CD70: variants seen among roughly 807,000 people sequenced by gnomAD.
The protein encoded by CD70 is CD70 molecule, also known as CD70 antigen.
In CD70, 6 loss-of-function variants were observed where a neutral mutation model predicts 9.0. The observed-to-expected ratio is 0.67, with a 90% confidence interval of 0.37 to 1.32. The LOEUF is 1.32. CD70 is among the 40% of genes most tolerant of loss of function. The pLI is 0.02. For missense variants in CD70, 235 were observed against 258.7 expected (o/e 0.91, Z 0.63); for synonymous variants, 108 against 112.3 (o/e 0.96, Z 0.24).
chr19:6,584,418 T>C (rs1026702429), downstream of CD70, among the ~76,000 whole-genome samples: 3 of 151,734 alleles, frequency 2.0e-5, no homozygotes, highest in South Asian at 2.1e-4. Context: ...GGCAGAAGAA[T>C]TGCTTGAACC....
rs574032127 is a variant in CD70, at chr19:6,590,407, G to A, written c.163-271C>T. On this transcript the variant is annotated intron_variant, in intron 1 of 2. Transcript: ENST00000245903. This position sits in a 1 kb window ranked among gnomAD's most constrained non-coding sequence, Gnocchi z 5.3. ...TTTTCCTGGATGTCACTGGGCGCGA[G>A]AGCACCGCGCGCAGCGGACTCTCTA... is the stretch of plus-strand genomic sequence containing the variant. Among the ~76,000 whole-genome samples, 5 of 152,252 alleles carry A rather than the reference G, an allele frequency of 3.3e-5. No homozygotes were observed. In the South Asian group the frequency reaches 1.0e-3, roughly 32 times the overall value.
Position 6,590,770 on chromosome 19 carries a change from C to A in CD70, c.162+71G>T, listed in dbSNP as rs1916138787. The A allele has an allele frequency of 3.0e-6, 4 of 1,329,226 alleles. No individual in the cohort carries two copies. Among genetic ancestry groups the A allele is most frequent in the Admixed American group, 3.5e-5 (2 of 57,068 alleles). The allele number at this position is 1,329,226 out of a possible 1,614,324, so 82.3% of individuals were successfully genotyped here. On this transcript the variant is annotated intron_variant, in intron 1 of 2. Coordinates refer to ENST00000245903, the MANE Select transcript of CD70 (RefSeq NM_001252.5). This position sits in a 1 kb window ranked among gnomAD's most constrained non-coding sequence, Gnocchi z 5.3. ...GATCTTCCTCTCTGGCCTCTTTGTA[C>A]CCATCTCATTCTGTCTTTTCGGTCA...
chr19:6,589,394 T>G (rs1198381972), intron 2 of CD70, among the ~76,000 whole-genome samples: 3 of 151,532 alleles, frequency 2.0e-5, no homozygotes, highest in East Asian at 3.9e-4. Context: ...CCTTTCTTCT[T>G]TTTATTTATT....
At chr19:6,584,844 C>T (rs10418808), downstream of CD70, among the ~76,000 whole-genome samples, 126,701 of 152,018 alleles carry the variant, frequency 0.83, 53,333 homozygotes, top group Non-Finnish European at 0.89. Flanking sequence ...GCAGCCTGGG[C>T]GACAGATCAA....
At chr19:6,584,698 C>CAA (rs34700045), downstream of CD70, among the ~76,000 whole-genome samples, 6,026 of 102,170 alleles carry the variant, frequency 0.059, 280 homozygotes, top group African/African-American at 0.09. Flanking sequence ...GACCTCATCT[C>CAA]AAAAAAAAAA....
intron 2 of CD70, among the ~76,000 whole-genome samples, chr19:6,589,104 CCTCT>C (rs111719084): frequency 4.0e-5 from 6 of 150,632 alleles, no homozygotes; most frequent in African/African-American, 1.2e-4. Context: ...CTCTCTCTCT[CCTCT>C]CTCTCTCTCT....
downstream of CD70, among the ~76,000 whole-genome samples, chr19:6,584,120 T>G (rs1915971544): frequency 7.1e-6 from 1 of 141,810 alleles, no homozygotes; most frequent in Non-Finnish European, 1.5e-5. Context: ...TCCCACTTAG[T>G]GTGAATGTTA....
downstream of CD70, among the ~76,000 whole-genome samples, chr19:6,585,274 T>C (rs1343439168): frequency 6.6e-6 from 1 of 152,028 alleles, no homozygotes; most frequent in Non-Finnish European, 1.5e-5. Flanking sequence ...TTGTCTGCTT[T>C]GAGAGACAGT....
chr19:6,590,934 C>A lies in CD70; in HGVS notation c.69G>T (p.Leu23Phe), dbSNP rs747119880. 7 of 1,613,972 alleles carry A rather than the reference C, an allele frequency of 4.3e-6. No homozygotes were observed. The highest frequency in any genetic ancestry group is 5.9e-6 in the Non-Finnish European group (7 of 1,180,000). The change falls in exon 1 of 3, where the codon TTG (leucine) becomes TTT (phenylalanine). Residue 23 changes from leucine to phenylalanine, a missense_variant. By Grantham distance (22) the Leu-to-Phe change is conservative. Coordinates refer to ENST00000245903, the MANE Select transcript of CD70 (RefSeq NM_001252.5). This position sits in a 1 kb window ranked among gnomAD's most constrained non-coding sequence, Gnocchi z 5.3. ...RPYGCVLRAALVPLVAGLVIC... is the reference protein window; with the variant it reads ...RPYGCVLRAAFVPLVAGLVIC... ...TCACCAAGCCCGCGACCAATGGGACCAAAGCAGCCCGCAGGACGCACCCAT... is the reference window on the plus strand; with the variant it reads ...TCACCAAGCCCGCGACCAATGGGACAAAAGCAGCCCGCAGGACGCACCCAT...
At chr19:6,588,946 T>C (rs1671752806) in intron 2 of CD70, among the ~76,000 whole-genome samples, 1 of 152,164 alleles carries the variant, frequency 6.6e-6, no homozygotes, top group African/African-American at 2.4e-5. Flanking sequence ...GCTTGTAGCA[T>C]GAATGGAGGA....
intron 2 of CD70, among the ~76,000 whole-genome samples, chr19:6,587,529 C>T (rs1462428868): frequency 6.6e-6 from 1 of 151,944 alleles, no homozygotes; most frequent in African/African-American, 2.4e-5. Flanking sequence ...AGCGTGCGCA[C>T]GAGACAGCGC....
rs945689011 is a variant in CD70 at position 6,586,484 on chromosome 19, A to T, written c.197-79T>A. 7.1e-6 allele frequency: 10 copies of T among 1,414,634 alleles called. No individual in the cohort carries two copies. In the East Asian group the frequency reaches 2.3e-4, roughly 33 times the overall value. The allele number at this position is 1,414,634 out of a possible 1,614,324, so 87.6% of individuals were successfully genotyped here. On this transcript the variant is annotated intron_variant, in intron 2 of 2. Coordinates refer to ENST00000245903, the MANE Select transcript of CD70 (RefSeq NM_001252.5). ...CACAGGGGGTCATAGAGAAAGTCAG[A>T]TATAGAGATCGAGAGTTAGAGATCA...
chr19:6,583,994 C>T (rs1187435219), downstream of CD70, among the ~76,000 whole-genome samples: 5 of 150,758 alleles, frequency 3.3e-5, no homozygotes, highest in Admixed American at 6.6e-5. Context: ...GGTTTTACCA[C>T]GTCGGCCAGG....
chr19:6,584,624 C>T (rs111930167), downstream of CD70, among the ~76,000 whole-genome samples: 2 of 149,634 alleles, frequency 1.3e-5, no homozygotes, highest in East Asian at 4.0e-4. Flanking sequence ...CTTGGGGAGA[C>T]CGAGGCGGGA....
At chr19:6,589,984 T>A (rs1293463532) in intron 2 of CD70, 119 bp downstream of exon 2, 9 of 598,786 alleles carry the variant, frequency 1.5e-5, no homozygotes, top group African/African-American at 1.9e-5. Context: ...CCTCCCTCTC[T>A]CCCTCCGTCT....
Position 6,586,388 on chromosome 19 carries a change from T to C in CD70, c.214A>G (p.Arg72Gly). ...GCTGGGCCCCCCTGCCAGTATAGCCTGGGGTCCTGCTGAGGTCCTGGGGGC... is the reference window on the plus strand; with the variant it reads ...GCTGGGCCCCCCTGCCAGTATAGCCCGGGGTCCTGCTGAGGTCCTGGGGGC... ...LNHTGPQQDP[R>G]LYWQGGPALG... The change falls in exon 3 of 3, where the codon AGG (arginine) becomes GGG (glycine). Residue 72 changes from arginine (R) to glycine (G), a missense_variant. Coordinates refer to ENST00000245903, the MANE Select transcript of CD70 (RefSeq NM_001252.5). 1 of 1,610,228 alleles carries C rather than the reference T, an allele frequency of 6.2e-7. No individual in the cohort carries two copies. Among genetic ancestry groups the C allele is most frequent in the Non-Finnish European group, 8.5e-7 (1 of 1,178,560 alleles).
intron 2 of CD70, among the ~76,000 whole-genome samples, chr19:6,589,491 G>T (rs961372733): frequency 1.6e-4 from 24 of 151,906 alleles, no homozygotes; most frequent in African/African-American, 5.6e-4. Flanking sequence ...CCAGGTTCAG[G>T]CGATTCTCCT....
Position 6,590,087 on chromosome 19 carries a change from A to T in CD70, c.196+16T>A. ...TGCCTCTTCTTCTCCCCGTCCCTCC[A>T]CGTCCCCCGTGTTACCTGTGTGATT... On this transcript the variant is annotated intron_variant, in intron 2 of 2. Transcript: ENST00000245903. The surrounding 1 kb of genome is among the most constrained non-coding windows in gnomAD (Gnocchi z 5.3). 2 of 1,608,392 alleles carry T rather than the reference A, an allele frequency of 1.2e-6. No individual in the cohort carries two copies. Among genetic ancestry groups the T allele is most frequent in the African/African-American group, 2.7e-5 (2 of 73,884 alleles).
chr19:6,589,962 T>G, intron 2 of CD70, 141 bp downstream of exon 2: 1 of 502,840 alleles, frequency 2.0e-6, no homozygotes. Flanking sequence ...TCCGTTTCCC[T>G]CCCTATCTCT....
Sources: gnomAD v4.1 joint callset for allele counts (sites outside exome capture counted in the v4.1 genomes callset) on GRCh38, gnomAD v4.1.1 for gene constraint, Gnocchi (gnomAD v3.1) non-coding constraint, MANE v1.5 for transcripts, NCBI Gene and HGNC (gene_info 2026-07-23, HGNC 2026-07-21) for gene names.